The following TNS1 variants were observed in gnomAD, a reference collection of about 807,000 sequenced individuals.
TNS1 encodes the protein tensin-1.
TNS1 carries 62 observed loss-of-function variants against 168.6 expected under a neutral mutation model. The observed-to-expected ratio is 0.37, with a 90% CI of 0.30 to 0.45. The LOEUF (loss-of-function observed/expected upper bound fraction) is 0.45. Among genes scored for constraint, TNS1 ranks in the 20% least tolerant of loss-of-function variants. TNS1 has a pLI of 1.00. For synonymous variants in TNS1, 934 were observed against 933.2 expected (o/e 1.00, Z -0.02); for missense variants, 2,240 against 2,339.4 (o/e 0.96, Z 0.88).
At chr2:217,938,150 T>C (rs960724567) in intron 3 of TNS1, among the ~76,000 whole-genome samples, 2 of 152,166 alleles carry the variant, frequency 1.3e-5, no homozygotes, top group African/African-American at 4.8e-5. Flanking sequence ...CCCAAGCCCA[T>C]TCTTTCTCCA....
intron 22 of TNS1, among the ~76,000 whole-genome samples, chr2:217,827,893 C>T (rs1283949303): frequency 3.3e-5 from 5 of 152,232 alleles, no homozygotes; most frequent in African/African-American, 1.2e-4. Context: ...AAGTGAGAGA[C>T]ACAATCACCA....
intron 18 of TNS1, among the ~76,000 whole-genome samples, chr2:217,853,535 C>T (rs1253467470): frequency 6.6e-6 from 1 of 151,988 alleles, no homozygotes; most frequent in Non-Finnish European, 1.5e-5. Flanking sequence ...GAGCTCCAGG[C>T]CCCAAGCCCA....
intron 1 of TNS1, among the ~76,000 whole-genome samples, chr2:218,025,038 G>T (rs1055997875): frequency 6.6e-6 from 1 of 152,170 alleles, no homozygotes; most frequent in Non-Finnish European, 1.5e-5. Flanking sequence ...AGGCCTGGAG[G>T]GAGCATGATA....
intron 21 of TNS1, among the ~76,000 whole-genome samples, chr2:217,834,106 G>C (rs563417813): frequency 9.8e-4 from 150 of 152,332 alleles, no homozygotes; most frequent in African/African-American, 3.3e-3. Context: ...TCAAGGGAGA[G>C]CCACGGCTTC....
intron 8 of TNS1, among the ~76,000 whole-genome samples, chr2:217,897,506 G>A (rs922293644): frequency 2.6e-5 from 4 of 152,178 alleles, no homozygotes; most frequent in East Asian, 1.9e-4. Context: ...AGTAGCAAGC[G>A]CTCAATAACC....
rs1937238977 is a variant in TNS1, at chr2:217,800,003, G to A, written c.*4456C>T. Reference sequence around the variant, plus strand: ...ATCTATATAAATACACAGCTGGGGTGGGGAAGGATGCTGGGTGATCTTGTT... The same window carrying A: ...ATCTATATAAATACACAGCTGGGGTAGGGAAGGATGCTGGGTGATCTTGTT... On this transcript the variant is annotated 3_prime_UTR_variant, in exon 33 of 33. Coordinates refer to ENST00000682258, the MANE Select transcript of TNS1 (RefSeq NM_001387777.1). 1 of 152,190 alleles carries A rather than the reference G, an allele frequency of 6.6e-6. No individual in the cohort carries two copies. The highest frequency in any genetic ancestry group is 1.5e-5 in the Non-Finnish European group (1 of 68,042). The allele number at this position is 152,190 out of a possible 1,614,324, so 9.4% of individuals were successfully genotyped here.
chr2:218,023,077 G>T (rs1000644350), intron 1 of TNS1, among the ~76,000 whole-genome samples: 2 of 152,220 alleles, frequency 1.3e-5, no homozygotes, highest in African/African-American at 4.8e-5. Context: ...AATCTGGGGA[G>T]GAGGTCCCAG....
At chr2:217,959,561 C>T (rs1439334604) in intron 3 of TNS1, among the ~76,000 whole-genome samples, 2 of 152,120 alleles carry the variant, frequency 1.3e-5, no homozygotes. Flanking sequence ...AGCATGGAAC[C>T]TTAGCATGGA....
chr2:217,942,361 C>A (rs187012068), intron 3 of TNS1, among the ~76,000 whole-genome samples: 1 of 152,320 alleles, frequency 6.6e-6, no homozygotes, highest in Admixed American at 6.5e-5. Context: ...AGAGTCCAAG[C>A]CAACCCCAAG....
chr2:217,861,978 C>A (rs1948823010), intron 18 of TNS1, among the ~76,000 whole-genome samples: 1 of 152,224 alleles, frequency 6.6e-6, no homozygotes, highest in Admixed American at 6.5e-5. Flanking sequence ...GAATGGCCAG[C>A]ATAGAGAAGA....
rs2571445 is a variant in TNS1 at position 217,818,431 on chromosome 2, A to G, written c.3901T>C (p.Trp1301Arg). The G allele has an allele frequency of 0.61, 990,371 of 1,613,836 alleles. 306,254 individuals carry two copies. Among genetic ancestry groups the G allele is most frequent in the African/African-American group, 0.81 (60,886 of 74,986 alleles). Reference sequence around the variant, plus strand: ...GCCATGCTGGGATTGATGGCCCGCCAGCCGAAGCCAGGACTAGGGGGAGTG... The same window carrying G: ...GCCATGCTGGGATTGATGGCCCGCCGGCCGAAGCCAGGACTAGGGGGAGTG... ...TNTPPSPGFG[W>R]RAINPSMAAP... is the part of the protein sequence containing the mutation. Residue 1301 changes from tryptophan (W) to arginine (R), a missense_variant, in exon 24 of 33, where the codon TGG (tryptophan) becomes CGG (arginine). Trp to Arg is a moderately radical substitution (Grantham distance 101). Around this residue, in one of 2 missense-constraint regions of TNS1, gnomAD observed 2,131 missense variants for 2,171.2 expected, o/e 0.98. Coordinates refer to ENST00000682258, the MANE Select transcript of TNS1 (RefSeq NM_001387777.1).
chr2:217,926,560 T>C lies in TNS1; in HGVS notation c.187-6324A>G, dbSNP rs193102169. On this transcript the variant is annotated intron_variant, in intron 3 of 32. Transcript: ENST00000682258. The stretch of plus-strand genomic sequence containing the variant: ...GTGTCTCTGAGCTGGGTGCTTTACA[T>C]ACCTTATTTTTTGCGATCTTCTTGA... Among the ~76,000 whole-genome samples the C allele has an allele frequency of 1.1e-3, 169 of 152,292 alleles. 1 individual carries two copies. Among genetic ancestry groups the C allele is most frequent in the African/African-American group, 3.7e-3 (152 of 41,576 alleles).
chr2:217,985,772 C>A (rs1958179930), intron 2 of TNS1, among the ~76,000 whole-genome samples: 3 of 152,134 alleles, frequency 2.0e-5, no homozygotes, highest in Non-Finnish European at 4.4e-5. Flanking sequence ...GGGAAGCAAT[C>A]AGCCCAAGTT....
chr2:218,017,591 G>T (rs1355551746), intron 1 of TNS1, among the ~76,000 whole-genome samples: 1 of 152,252 alleles, frequency 6.6e-6, no homozygotes, highest in Admixed American at 6.5e-5. Flanking sequence ...AAGGATCCAG[G>T]TGCAAAGCCA....
chr2:218,008,448 G>A (rs774616913), intron 1 of TNS1, among the ~76,000 whole-genome samples: 3 of 152,142 alleles, frequency 2.0e-5, no homozygotes, highest in South Asian at 2.1e-4. Flanking sequence ...GGTCCTGGCC[G>A]GCCATTTCCC....
chr2:217,827,283 A>G (rs1238828139), intron 22 of TNS1, among the ~76,000 whole-genome samples: 1 of 152,230 alleles, frequency 6.6e-6, no homozygotes, highest in East Asian at 1.9e-4. Flanking sequence ...GGGACATAGC[A>G]GACATCCCTC....
chr2:217,889,528 G>A (rs141625304), intron 12 of TNS1, among the ~76,000 whole-genome samples: 38 of 152,250 alleles, frequency 2.5e-4, no homozygotes, highest in African/African-American at 7.9e-4. Flanking sequence ...CCTTTATCCC[G>A]TGCGTTCACT....
intron 12 of TNS1, among the ~76,000 whole-genome samples, chr2:217,886,884 T>A (rs1233669030): frequency 2.6e-5 from 4 of 152,066 alleles, no homozygotes; most frequent in Non-Finnish European, 2.9e-5. Context: ...AAGTCAAGCA[T>A]CCCACTTGGA....
At chr2:217,939,407 G>A (rs1285245388) in intron 3 of TNS1, among the ~76,000 whole-genome samples, 1 of 152,220 alleles carries the variant, frequency 6.6e-6, no homozygotes, top group Non-Finnish European at 1.5e-5. Flanking sequence ...ACTCTGCCAA[G>A]CACAGCAAGG....
Sources: allele counts gnomAD v4.1 joint callset (sites outside exome capture counted in the v4.1 genomes callset), GRCh38; gene constraint gnomAD v4.1.1; regional missense constraint gnomAD v4.1.1; transcripts MANE v1.5; gene names NCBI Gene and HGNC (gene_info 2026-07-23, HGNC 2026-07-21).